Variants in KIF1C observed in about 807,000 individuals in gnomAD.
KIF1C encodes kinesin family member 1C, also known as kinesin-like protein KIF1C.
In KIF1C, 61 loss-of-function variants were observed where a neutral mutation model predicts 126.5. That is an observed-to-expected ratio of 0.48 (90% CI 0.39 to 0.60). The LOEUF (loss-of-function observed/expected upper bound fraction) is 0.60, where lower values mean the gene tolerates loss of function less well. Ranked by LOEUF, KIF1C falls within the 20% of genes least tolerant of loss-of-function variation. The probability of loss-of-function intolerance (pLI) is 0.00; values close to 1 mark genes in which losing one functional copy is unlikely to be tolerated. For missense variants in KIF1C, 1,315 were observed against 1,489.2 expected (o/e 0.88, Z 1.93); for synonymous variants, 640 against 580.6 (o/e 1.10, Z -1.47).
chr17:5,022,035 A>G lies in KIF1C; in HGVS notation c.2011-57A>G. The stretch of plus-strand genomic sequence containing the variant: ...TGTACTTAGGACACACTGGGCCAAG[A>G]CACATGGGCTCTGGATGTCCTTAGC... On this transcript the variant is annotated intron_variant, in intron 21 of 22. Coordinates refer to ENST00000320785, the MANE Select transcript of KIF1C (RefSeq NM_006612.6). This position sits in a 1 kb window ranked among gnomAD's most constrained non-coding sequence, Gnocchi z 4.9. 1 of 1,527,492 alleles carries G rather than the reference A, an allele frequency of 6.5e-7. No individual in the cohort carries two copies. The highest frequency in any genetic ancestry group is 8.8e-7 in the Non-Finnish European group (1 of 1,137,164). 94.6% of individuals were successfully genotyped at this position (1,527,492 alleles called of 1,614,324 possible). A position where few individuals can be genotyped will look rare whatever the true frequency, so the allele number is the denominator to read the frequency against.
At position 5,005,019 on chromosome 17, in the gene KIF1C, G is replaced by T. The variant is rs772906989; in HGVS notation, c.1165+19G>T. ...CTGGAAGGTCGAGGTTCCAGGGAGG[G>T]GCAGCTCAGGGATGCCCCTTGGCCC... On this transcript the variant is annotated intron_variant, in intron 13 of 22. Transcript: ENST00000320785. The T allele has an allele frequency of 6.2e-7, 1 of 1,614,076 alleles. No individual in the cohort carries two copies. The highest frequency in any genetic ancestry group is 8.5e-7 in the Non-Finnish European group (1 of 1,179,994).
intron 8 of KIF1C, 78 bp downstream of exon 8, chr17:5,002,920 T>A (rs577831866): frequency 1.6e-5 from 18 of 1,134,906 alleles, no homozygotes. Flanking sequence ...GGTAGAAGGG[T>A]CTTGGGCCCT....
At chr17:5,001,177 A>G (rs1391352358) in intron 4 of KIF1C, 45 bp from the exon 5 acceptor site, 1 of 1,582,250 alleles carries the variant, frequency 6.3e-7, no homozygotes, top group African/African-American at 1.3e-5. Flanking sequence ...AAGGATAAAG[A>G]CATCCAGGGT....
chr17:5,017,009 G>A (rs966865263), intron 18 of KIF1C, among the ~76,000 whole-genome samples: 8 of 152,072 alleles, frequency 5.3e-5, no homozygotes, highest in Non-Finnish European at 7.4e-5. Context: ...GACAGCAAAT[G>A]CTTCCGGCAT....
intron 1 of KIF1C, among the ~76,000 whole-genome samples, 154 bp from the exon 2 acceptor site, chr17:4,999,696 C>T (rs1974526452): frequency 6.6e-6 from 1 of 152,188 alleles, no homozygotes; most frequent in South Asian, 2.1e-4. Flanking sequence ...ACCGTCCCTG[C>T]CCTTGGATTC....
chr17:5,005,414 A>G (rs917747892), intron 13 of KIF1C, among the ~76,000 whole-genome samples: 2 of 152,220 alleles, frequency 1.3e-5, no homozygotes, highest in African/African-American at 2.4e-5. Flanking sequence ...CTGGTATGTC[A>G]TGCTCAGCCT....
At chr17:5,008,462 GAA>G (rs1357442221) in intron 16 of KIF1C, among the ~76,000 whole-genome samples, 1 of 152,226 alleles carries the variant, frequency 6.6e-6, no homozygotes, top group African/African-American at 2.4e-5. Flanking sequence ...ACCATGGTGT[GAA>G]GCAGCAGAGG....
chr17:5,004,673 G>A, intron 12 of KIF1C, 28 bp downstream of exon 12: 1 of 1,609,394 alleles, frequency 6.2e-7, no homozygotes, highest in Non-Finnish European at 8.5e-7. Context: ...AGCAGGGATG[G>A]GGCAGCATAG....
At chr17:5,009,782 G>A (rs1260991127) in intron 16 of KIF1C, among the ~76,000 whole-genome samples, 1 of 142,340 alleles carries the variant, frequency 7.0e-6, no homozygotes, top group Admixed American at 7.0e-5. Flanking sequence ...ACAAGACTCT[G>A]TCTCAAAAAA....
Position 5,013,641 on chromosome 17 carries a change from C to A in KIF1C, c.1492-12C>A. On this transcript the variant is annotated splice_polypyrimidine_tract_variant and intron_variant, in intron 16 of 22. Transcript: ENST00000320785. ...GCTGGCTCCCCCTGACCACCTTTCT[C>A]TCCCCGCTTAGACTCCCCACCTGGT... 1 of 1,611,050 alleles carries A rather than the reference C, an allele frequency of 6.2e-7. No individual in the cohort carries two copies. Among genetic ancestry groups the A allele is most frequent in the East Asian group, 2.2e-5 (1 of 44,852 alleles).
Position 5,020,429 on chromosome 17 carries a change from G to T in KIF1C, c.1751-63G>T. The T allele has an allele frequency of 6.7e-7, 1 of 1,482,178 alleles. No homozygotes were observed. The highest frequency in any genetic ancestry group is 9.2e-7 in the Non-Finnish European group (1 of 1,087,472). 91.8% of individuals were successfully genotyped at this position (1,482,178 alleles called of 1,614,324 possible). On this transcript the variant is annotated intron_variant, in intron 19 of 22. Coordinates refer to ENST00000320785, the MANE Select transcript of KIF1C (RefSeq NM_006612.6). This position sits in a 1 kb window ranked among gnomAD's most constrained non-coding sequence, Gnocchi z 5.8. ...CCTGTGCCAGATTCTCTATGCCTTG[G>T]GTGTAGGGATGGATTTGGTGCTGAT...
Position 5,004,060 on chromosome 17 carries a change from C to T in KIF1C, c.927C>T (p.Leu309=). Residue 309 remains leucine (L), a synonymous_variant, in exon 11 of 23, where the codon CTC becomes CTT. Transcript: ENST00000320785. The part of the protein sequence containing the change: ...PYRDSVLTWL[L]KENLGGNSRT... ...GGGACTCTGTGCTCACCTGGCTGCT[C>T]AAGGAAAATTTGGGTGAGGGCCTCT... 1 of 1,613,590 alleles carries T rather than the reference C, an allele frequency of 6.2e-7. No individual in the cohort carries two copies. Among genetic ancestry groups the T allele is most frequent in the Non-Finnish European group, 8.5e-7 (1 of 1,179,678 alleles).
intron 16 of KIF1C, among the ~76,000 whole-genome samples, chr17:5,011,379 A>C (rs556317116): frequency 1.3e-5 from 2 of 152,298 alleles, no homozygotes; most frequent in South Asian, 4.1e-4. Flanking sequence ...CTGCCTTCTC[A>C]GGGGCTGAGG....
rs1567718672 is a variant in KIF1C, at chr17:5,000,099, C to G, written c.-27-121C>G. 1.4e-5 allele frequency: 9 copies of G among 626,846 alleles called. No homozygotes were observed. The East Asian group carries it at 2.5e-4, about 17-fold the overall frequency. 38.8% of individuals were successfully genotyped at this position (626,846 alleles called of 1,614,324 possible). A position where few individuals can be genotyped will look rare whatever the true frequency, so the allele number is the denominator to read the frequency against. On this transcript the variant is annotated intron_variant, in intron 2 of 22. Coordinates refer to ENST00000320785, the MANE Select transcript of KIF1C (RefSeq NM_006612.6). Reference sequence around the variant, plus strand: ...AAGCCAAGGGAATAAGAGCTGGGTCCTTGAGAGGCTGGGTGGCTCTGGGGG... The same window carrying G: ...AAGCCAAGGGAATAAGAGCTGGGTCGTTGAGAGGCTGGGTGGCTCTGGGGG...
At chr17:5,015,582 C>CTTTTTTTTTTTTTT (rs58961639) in intron 18 of KIF1C, among the ~76,000 whole-genome samples, 1 of 71,244 alleles carries the variant, frequency 1.4e-5, no homozygotes, top group East Asian at 4.6e-4. Context: ...CTGCCCCCAG[C>CTTTTTTTTTTTTTT]TTTTTTTTTT....
rs569255279 is a variant in KIF1C, at chr17:5,000,480, G to A, written c.106+128G>A. On this transcript the variant is annotated intron_variant, in intron 3 of 22. Transcript: ENST00000320785. ...CACAGAGCAGGTGCTAGTCGTAAGGGCGGGGGCTGGGGCAGGCTGGCCTTT... is the reference window on the plus strand; with the variant it reads ...CACAGAGCAGGTGCTAGTCGTAAGGACGGGGGCTGGGGCAGGCTGGCCTTT... 1.9e-4 allele frequency: 136 copies of A among 722,200 alleles called. 1 individual carries two copies. The South Asian group carries it at 2.3e-3, about 12-fold the overall frequency. The allele number at this position is 722,200 out of a possible 1,614,324, so 44.7% of individuals were successfully genotyped here.
At chr17:4,998,468 T>G (rs1200845772) in intron 1 of KIF1C, among the ~76,000 whole-genome samples, 2 of 152,134 alleles carry the variant, frequency 1.3e-5, no homozygotes, top group Non-Finnish European at 2.9e-5. Flanking sequence ...AGTATCCTCC[T>G]TGTACCCCAC....
At position 5,023,629 on chromosome 17, in the gene KIF1C, G is replaced by A; in HGVS notation, c.2790G>A (p.Glu930=). ...SWERVSRLME[E]DPAFRRGRLR... ...AGCGGGTGTCACGGCTCATGGAGGAGGACCCTGCCTTCCGTCGTGGTCGTC... is the reference window on the plus strand; with the variant it reads ...AGCGGGTGTCACGGCTCATGGAGGAAGACCCTGCCTTCCGTCGTGGTCGTC... The change falls in exon 23 of 23, where the codon GAG becomes GAA. Residue 930 remains glutamate (E), a synonymous_variant. Coordinates refer to ENST00000320785, the MANE Select transcript of KIF1C (RefSeq NM_006612.6). The surrounding 1 kb of genome is among the most constrained non-coding windows in gnomAD (Gnocchi z 4.2). 1.2e-6 allele frequency: 2 copies of A among 1,613,418 alleles called. No individual in the cohort carries two copies. Among genetic ancestry groups the A allele is most frequent in the Non-Finnish European group, 8.5e-7 (1 of 1,179,836 alleles).
intron 11 of KIF1C, 108 bp from the exon 12 acceptor site, chr17:5,004,459 T>C: frequency 1.0e-6 from 1 of 995,670 alleles, no homozygotes; most frequent in Middle Eastern, 2.1e-4. Flanking sequence ...CCTCAGACCA[T>C]GACCCTGTAA....
Sources: gnomAD v4.1 joint callset for allele counts (sites outside exome capture counted in the v4.1 genomes callset) on GRCh38, gnomAD v4.1.1 for gene constraint, Gnocchi (gnomAD v3.1) non-coding constraint, MANE v1.5 for transcripts, NCBI Gene and HGNC (gene_info 2026-07-23, HGNC 2026-07-21) for gene names.